Variants in FRAS1 observed in about 807,000 individuals in gnomAD.
The protein encoded by FRAS1 is Fraser extracellular matrix complex subunit 1, also known as extracellular matrix organizing protein FRAS1.
Under a neutral mutation model 435.2 loss-of-function variants are expected in FRAS1, and 290 were observed. The ratio of observed to expected loss-of-function variants is 0.67; its 90% CI spans 0.61 to 0.73. The LOEUF is 0.73. Ranked by LOEUF, FRAS1 falls within the 30% of genes least tolerant of loss-of-function variation. The pLI, the probability that FRAS1 is intolerant of heterozygous loss-of-function variation, is 0.00. For missense variants in FRAS1, 4,860 were observed against 5,001.5 expected (o/e 0.97, Z 0.85); for synonymous variants, 1,800 against 1,851.0 (o/e 0.97, Z 0.71).
At chr4:78,300,785 T>C (rs954266788) in intron 14 of FRAS1, among the ~76,000 whole-genome samples, 1 of 152,030 alleles carries the variant, frequency 6.6e-6, no homozygotes, top group African/African-American at 2.4e-5. Context: ...CCACTGTGCC[T>C]CACCAACTCC....
chr4:78,118,500 A>G (rs755224825), intron 2 of FRAS1, among the ~76,000 whole-genome samples: 1 of 151,888 alleles, frequency 6.6e-6, no homozygotes, highest in Non-Finnish European at 1.5e-5. Context: ...TTGTTTACCT[A>G]CTCAAGACTT....
In FRAS1 at chr4:78,187,136, T is replaced by C. The variant is rs149088294; in HGVS notation, c.109-50374T>C. Among the ~76,000 whole-genome samples the C allele has an allele frequency of 4.4e-4, 67 of 152,348 alleles. 3 individuals carry two copies. In the East Asian group the frequency reaches 0.012, roughly 28 times the overall value. ...TCTAGAGTCCAGTTTCCTTTCCTGG[T>C]GTTTGAAGGTTCAAACAGAGCTGCA... is the stretch of plus-strand genomic sequence containing the variant. On this transcript the variant is annotated intron_variant, in intron 2 of 73. Coordinates refer to ENST00000512123, the MANE Select transcript of FRAS1 (RefSeq NM_025074.7).
intron 4 of FRAS1, among the ~76,000 whole-genome samples, chr4:78,251,276 T>C (rs530250657): frequency 3.1e-4 from 47 of 152,300 alleles, no homozygotes; most frequent in African/African-American, 1.1e-3. Flanking sequence ...CCTTTGTATC[T>C]GTGTCCATTC....
chr4:78,431,546 A>G (rs1231411869), intron 37 of FRAS1, among the ~76,000 whole-genome samples: 2 of 152,206 alleles, frequency 1.3e-5, no homozygotes, highest in Non-Finnish European at 2.9e-5. Flanking sequence ...AGCACTAGTT[A>G]TTAGAACTAA....
chr4:78,183,975 T>C (rs895877355), intron 2 of FRAS1, among the ~76,000 whole-genome samples: 1 of 152,168 alleles, frequency 6.6e-6, no homozygotes, highest in Non-Finnish European at 1.5e-5. Flanking sequence ...GGTCAAACTG[T>C]GTCCATTGAC....
intron 2 of FRAS1, among the ~76,000 whole-genome samples, chr4:78,096,150 C>G (rs113310040): frequency 0.014 from 2,123 of 152,308 alleles, 50 homozygotes; most frequent in African/African-American, 0.047. Flanking sequence ...CCATACAATT[C>G]TGAAATTCAG....
chr4:78,230,859 C>G (rs1359011012), intron 2 of FRAS1, among the ~76,000 whole-genome samples: 1 of 152,228 alleles, frequency 6.6e-6, no homozygotes, highest in African/African-American at 2.4e-5. Context: ...TTCCCTCCCC[C>G]ATGACATTTC....
At chr4:78,273,042 T>C (rs1031800736) in intron 9 of FRAS1, among the ~76,000 whole-genome samples, 4 of 152,190 alleles carry the variant, frequency 2.6e-5, no homozygotes, top group African/African-American at 9.6e-5. Flanking sequence ...CCTTGTAAGT[T>C]GGATTCCTAG....
rs553674742 is a variant in FRAS1, at chr4:78,070,823, C to T, written c.108+4807C>T. ...GTTCTTCCTGGGATCAATGACTTGA[C>T]TCTTCACTTCAATTTTTCTGTCTGT... is the stretch of plus-strand genomic sequence containing the variant. On this transcript the variant is annotated intron_variant, in intron 2 of 73. Coordinates refer to ENST00000512123, the MANE Select transcript of FRAS1 (RefSeq NM_025074.7). The T allele has an allele frequency of 4.6e-5, 7 of 152,344 alleles. No homozygotes were observed. The East Asian group carries it at 1.3e-3, about 29-fold the overall frequency. 9.4% of individuals were successfully genotyped at this position (152,344 alleles called of 1,614,324 possible). A position where few individuals can be genotyped will look rare whatever the true frequency, so the allele number is the denominator to read the frequency against.
intron 2 of FRAS1, among the ~76,000 whole-genome samples, chr4:78,169,875 C>G (rs186549139): frequency 6.6e-6 from 1 of 152,196 alleles, no homozygotes; most frequent in Non-Finnish European, 1.5e-5. Context: ...TCTGGTGCTG[C>G]CATTTACTAA....
Position 78,470,066 on chromosome 4 carries a change from A to G in FRAS1, c.7346A>G (p.Gln2449Arg). The change falls in exon 51 of 74, where the codon CAG becomes CGG. Residue 2449 changes from glutamine to arginine, a missense_variant. Transcript: ENST00000512123. Reference sequence around the variant, plus strand: ...AGAATTGTCACCAACCTGGGACTCCAGTGGCTGGAATACATGGATGGCAAG... The same window carrying G: ...AGAATTGTCACCAACCTGGGACTCCGGTGGCTGGAATACATGGATGGCAAG... Reference protein sequence around the residue: ...TPRIVTNLGLQWLEYMDGKAT... With the variant: ...TPRIVTNLGLRWLEYMDGKAT... 2 of 1,613,202 alleles carry G rather than the reference A, an allele frequency of 1.2e-6. No individual in the cohort carries two copies. The highest frequency in any genetic ancestry group is 8.5e-7 in the Non-Finnish European group (1 of 1,179,470).
chr4:78,482,060 G>T, intron 57 of FRAS1, 96 bp downstream of exon 57: 1 of 1,227,294 alleles, frequency 8.1e-7, no homozygotes, highest in South Asian at 1.4e-5. Flanking sequence ...CTCCCCTGGC[G>T]ATATTCCTAT....
At chr4:78,068,126 C>G (rs568187464) in intron 2 of FRAS1, among the ~76,000 whole-genome samples, 10 of 152,158 alleles carry the variant, frequency 6.6e-5, no homozygotes, top group Admixed American at 2.6e-4. Flanking sequence ...CTATTCTATG[C>G]ACTGGAATGC....
rs780395693 is a variant in FRAS1 at position 78,317,437 on chromosome 4, A to G, written c.1889A>G (p.Lys630Arg). 8 of 1,613,866 alleles carry G rather than the reference A, an allele frequency of 5.0e-6. No homozygotes were observed. Among genetic ancestry groups the G allele is most frequent in the South Asian group, 1.1e-5 (1 of 91,076 alleles). ...CACTGTACAGCCTGCAGCCCCCCCA[A>G]GGCTCTGCGTCAAGGCCACTGTCTG... ...PSHCTACSPPKALRQGHCLPR... is the reference protein window; with the variant it reads ...PSHCTACSPPRALRQGHCLPR... Residue 630 changes from lysine (K) to arginine (R), a missense_variant, in exon 17 of 74, where the codon AAG (lysine) becomes AGG (arginine). Lys to Arg is a conservative substitution (Grantham distance 26). Coordinates refer to ENST00000512123, the MANE Select transcript of FRAS1 (RefSeq NM_025074.7).
intron 18 of FRAS1, among the ~76,000 whole-genome samples, chr4:78,329,636 G>A (rs1451511330): frequency 1.3e-5 from 2 of 152,202 alleles, no homozygotes; most frequent in African/African-American, 2.4e-5. Context: ...TGAGTCTCGA[G>A]TACCACATGC....
chr4:78,337,900 T>A lies in FRAS1; in HGVS notation c.2422+83T>A, dbSNP rs1299044903. ...ATACCAGGCTTAAGGGGGCTCTTTG[T>A]CCTCAGTTTATGAGCTCTTTTATAG... On this transcript the variant is annotated intron_variant, in intron 20 of 73. Coordinates refer to ENST00000512123, the MANE Select transcript of FRAS1 (RefSeq NM_025074.7). The A allele has an allele frequency of 2.9e-6, 4 of 1,402,982 alleles. No individual in the cohort carries two copies. The East Asian group carries it at 6.9e-5, about 24-fold the overall frequency. The allele number at this position is 1,402,982 out of a possible 1,614,324, so 86.9% of individuals were successfully genotyped here.
intron 6 of FRAS1, among the ~76,000 whole-genome samples, chr4:78,263,752 CAT>C (rs1726224724): frequency 6.6e-6 from 1 of 152,062 alleles, no homozygotes; most frequent in African/African-American, 2.4e-5. Flanking sequence ...TAATACTTTG[CAT>C]ATAGAAAAAT....
chr4:78,242,951 A>AAGAC (rs1222199357), intron 3 of FRAS1, among the ~76,000 whole-genome samples: 1 of 152,198 alleles, frequency 6.6e-6, no homozygotes, highest in Non-Finnish European at 1.5e-5. Flanking sequence ...TAGGGACAGA[A>AAGAC]AGACAGACAG....
At chr4:78,225,432 C>A (rs1189660209) in intron 2 of FRAS1, among the ~76,000 whole-genome samples, 1 of 152,126 alleles carries the variant, frequency 6.6e-6, no homozygotes, top group Non-Finnish European at 1.5e-5. Context: ...TCTGGTTTAC[C>A]CAGCTTGGTA....
Sources: allele counts gnomAD v4.1 joint callset (sites outside exome capture counted in the v4.1 genomes callset), GRCh38; gene constraint gnomAD v4.1.1; transcripts MANE v1.5; gene names NCBI Gene and HGNC (gene_info 2026-07-23, HGNC 2026-07-21).